The following CGN variants were observed in gnomAD, a reference collection of about 807,000 sequenced individuals.
The protein encoded by CGN is cingulin.
In CGN, 121 loss-of-function variants were observed where a neutral mutation model predicts 157.1. The ratio of observed to expected loss-of-function variants is 0.77; its 90% CI spans 0.66 to 0.90. The LOEUF is 0.90. Among genes scored for constraint, CGN ranks in the 40% least tolerant of loss-of-function variants. CGN has a pLI of 0.00. For synonymous variants in CGN, 535 were observed against 607.5 expected (o/e 0.88, Z 1.76); for missense variants, 1,424 against 1,520.9 (o/e 0.94, Z 1.06).
chr1:151,536,431 C>T, intron 19 of CGN, 86 bp downstream of exon 19: 1 of 747,486 alleles, frequency 1.3e-6, no homozygotes, highest in Non-Finnish European at 2.3e-6. Flanking sequence ...GCCCTTATCT[C>T]CTATAGGTCC....
chr1:151,511,947 G>A lies in CGN; in HGVS notation c.-15+432G>A, dbSNP rs1432697714. On this transcript the variant is annotated intron_variant, in intron 1 of 20. Transcript: ENST00000271636. The surrounding 1 kb of genome is among the most constrained non-coding windows in gnomAD (Gnocchi z 4.8). ...GCATCTGCAGGTGCTGCTCGCCTGAGGGTCTTTCCTGCGTCCTGCGGTCTC... is the reference window on the plus strand; with the variant it reads ...GCATCTGCAGGTGCTGCTCGCCTGAAGGTCTTTCCTGCGTCCTGCGGTCTC... Among the ~76,000 whole-genome samples the A allele has an allele frequency of 6.6e-6, 1 of 152,176 alleles. No individual in the cohort carries two copies. The highest frequency in any genetic ancestry group is 1.5e-5 in the Non-Finnish European group (1 of 68,016).
chr1:151,517,381 G>T (rs1433103346), intron 1 of CGN, among the ~76,000 whole-genome samples: 1 of 152,066 alleles, frequency 6.6e-6, no homozygotes, highest in East Asian at 1.9e-4. Context: ...ATACTTTGAG[G>T]TCTTCTATAT....
rs781553192 is a variant in CGN, at chr1:151,529,405, A to G, written c.1952A>G (p.Gln651Arg). ...LKELQAERQSQEVAGRHRDRE... is the reference protein window; with the variant it reads ...LKELQAERQSREVAGRHRDRE... ...GAACTGCAGGCAGAACGGCAGAGCC[A>G]GGAGGTGGCTGGGCGACACCGGGAC... The change falls in exon 11 of 21, where the codon CAG becomes CGG. Residue 651 changes from glutamine (Q) to arginine (R), a missense_variant. Gln to Arg is a conservative substitution (Grantham distance 43). This residue lies in a region of CGN where 1,187 missense variants were observed against 1,217.6 expected (regional missense o/e 0.97). Coordinates refer to ENST00000271636, the MANE Select transcript of CGN (RefSeq NM_020770.3). 19 of 1,613,578 alleles carry G rather than the reference A, an allele frequency of 1.2e-5. No homozygotes were observed. The highest frequency in any genetic ancestry group is 1.6e-5 in the Non-Finnish European group (19 of 1,179,854).
chr1:151,520,681 A>C lies in CGN; in HGVS notation c.1130A>C (p.Glu377Ala), dbSNP rs746794390. The C allele has an allele frequency of 4.3e-6, 7 of 1,613,384 alleles. No individual in the cohort carries two copies. Among genetic ancestry groups the C allele is most frequent in the Non-Finnish European group, 5.9e-6 (7 of 1,179,726 alleles). ...GAGGAGCTACAGCGAAAGCTGGATGAAGAGGTGAAGGTAAGGAAAGGTTAG... is the reference window on the plus strand; with the variant it reads ...GAGGAGCTACAGCGAAAGCTGGATGCAGAGGTGAAGGTAAGGAAAGGTTAG... Reference protein sequence around the residue: ...KVEELQRKLDEEVKKRQKLEP... With the variant: ...KVEELQRKLDAEVKKRQKLEP... Residue 377 changes from glutamate to alanine, a missense_variant, in exon 5 of 21, where the codon GAA becomes GCA. Around this residue, in one of 3 missense-constraint regions of CGN, gnomAD observed 1,187 missense variants for 1,217.6 expected, o/e 0.97. Coordinates refer to ENST00000271636, the MANE Select transcript of CGN (RefSeq NM_020770.3).
At position 151,535,131 on chromosome 1, in the gene CGN, G is replaced by A; in HGVS notation, c.2994G>A (p.Gln998=). 1 of 1,612,594 alleles carries A rather than the reference G, an allele frequency of 6.2e-7. No individual in the cohort carries two copies. Among genetic ancestry groups the A allele is most frequent in the South Asian group, 1.1e-5 (1 of 90,956 alleles). Reference sequence around the variant, plus strand: ...ATCGGGTGAATCGTGGCCGGGACCAGGTAACCGCCCCCACCCCTCATCTCT... The same window carrying A: ...ATCGGGTGAATCGTGGCCGGGACCAAGTAACCGCCCCCACCCCTCATCTCT... The part of the protein sequence containing the change: ...LTDRVNRGRD[Q]VDQLRTELMQ... Residue 998 remains glutamine (Q), a splice_region_variant and synonymous_variant, in exon 16 of 21, where the codon CAG becomes CAA. Coordinates refer to ENST00000271636, the MANE Select transcript of CGN (RefSeq NM_020770.3).
chr1:151,530,240 C>G (rs1664803328), intron 12 of CGN, 125 bp downstream of exon 12: 1 of 1,102,108 alleles, frequency 9.1e-7, no homozygotes. Context: ...CAAACCTGCT[C>G]TGTTAACCTT....
intron 16 of CGN, 80 bp from the exon 17 acceptor site, chr1:151,535,520 T>C (rs1443739859): frequency 1.7e-6 from 2 of 1,144,862 alleles, no homozygotes; most frequent in African/African-American, 1.5e-5. Context: ...CATCCTCCCA[T>C]GACTCAGCCT....
Position 151,538,532 on chromosome 1 carries a change from G to A in CGN, c.*1186G>A, listed in dbSNP as rs1665030073. ...CCATATTTCCTAAGCAGGTTGTATA[G>A]GGAGCCGGTGGCAGGAGGAAGGCTG... is the stretch of plus-strand genomic sequence containing the variant. On this transcript the variant is annotated 3_prime_UTR_variant, in exon 21 of 21. Transcript: ENST00000271636. The A allele has an allele frequency of 3.9e-5, 6 of 152,216 alleles. No homozygotes were observed. Among genetic ancestry groups the A allele is most frequent in the African/African-American group, 1.4e-4 (6 of 41,458 alleles). 9.4% of individuals were successfully genotyped at this position (152,216 alleles called of 1,614,324 possible).
chr1:151,520,577 C>A lies in CGN; in HGVS notation c.1045-19C>A. The A allele has an allele frequency of 6.2e-7, 1 of 1,612,908 alleles. No individual in the cohort carries two copies. Among genetic ancestry groups the A allele is most frequent in the Non-Finnish European group, 8.5e-7 (1 of 1,178,894 alleles). On this transcript the variant is annotated intron_variant, in intron 4 of 20. Coordinates refer to ENST00000271636, the MANE Select transcript of CGN (RefSeq NM_020770.3). ...CTTGGACTCACTCCCTTCCCCCACACCCCCCATATCTCTGGCAGATGGTTT... is the reference window on the plus strand; with the variant it reads ...CTTGGACTCACTCCCTTCCCCCACAACCCCCATATCTCTGGCAGATGGTTT...
At chr1:151,525,879 AT>A in intron 9 of CGN, 89 bp downstream of exon 9, 1 of 980,776 alleles carries the variant, frequency 1.0e-6, no homozygotes, top group Non-Finnish European at 1.3e-6. Context: ...TTTAATTTTA[AT>A]TTATTTTTTG....
intron 14 of CGN, 78 bp downstream of exon 14, chr1:151,532,650 C>T: frequency 1.8e-6 from 2 of 1,141,788 alleles, no homozygotes; most frequent in South Asian, 2.4e-5. Flanking sequence ...GACAGAGTCT[C>T]ACTCTGTCGC....
chr1:151,535,942 C>T (rs1423257492), intron 18 of CGN, 44 bp downstream of exon 18: 1 of 1,465,636 alleles, frequency 6.8e-7, no homozygotes, highest in Non-Finnish European at 9.5e-7. Flanking sequence ...TCCTTTTCTT[C>T]CTCCCTCCCT....
chr1:151,527,007 T>C lies in CGN; in HGVS notation c.1796T>C (p.Met599Thr), dbSNP rs1557990032. The C allele has an allele frequency of 1.9e-6, 3 of 1,613,920 alleles. No homozygotes were observed. The African/African-American group carries it at 4.0e-5, about 22-fold the overall frequency. ...CAGCTGCGAATGGAGAAGGAGGAGA[T>C]GGAAGAGGAGCTTGGAGAGAAGATA... is the stretch of plus-strand genomic sequence containing the variant. Reference protein sequence around the residue: ...LLQLRMEKEEMEEELGEKIEV... With the variant: ...LLQLRMEKEETEEELGEKIEV... Residue 599 changes from methionine (M) to threonine (T), a missense_variant, in exon 10 of 21, where the codon ATG becomes ACG. Coordinates refer to ENST00000271636, the MANE Select transcript of CGN (RefSeq NM_020770.3).
Position 151,524,533 on chromosome 1 carries a change from C to A in CGN, c.1402-141C>A. On this transcript the variant is annotated intron_variant, in intron 7 of 20. Coordinates refer to ENST00000271636, the MANE Select transcript of CGN (RefSeq NM_020770.3). The surrounding 1 kb of genome is among the most constrained non-coding windows in gnomAD (Gnocchi z 4.4). ...GGGACTAGAGTTAGGATAAAGGAAACCTATCATTCTGGGCTCCAGTACTGG... is the reference window on the plus strand; with the variant it reads ...GGGACTAGAGTTAGGATAAAGGAAAACTATCATTCTGGGCTCCAGTACTGG... The A allele has an allele frequency of 8.4e-7, 1 of 1,193,298 alleles. No homozygotes were observed. Among genetic ancestry groups the A allele is most frequent in the Non-Finnish European group, 1.2e-6 (1 of 844,382 alleles). The allele number at this position is 1,193,298 out of a possible 1,614,324, so 73.9% of individuals were successfully genotyped here.
chr1:151,516,939 C>A (rs1371419159), intron 1 of CGN, among the ~76,000 whole-genome samples: 1 of 151,416 alleles, frequency 6.6e-6, no homozygotes, highest in East Asian at 2.0e-4. Flanking sequence ...GCGGGCAGAT[C>A]ACCTGAGGTC....
Position 151,520,118 on chromosome 1 carries a change from ATTTC to A in CGN, c.874-32_874-29del, listed in dbSNP as rs529199632. 2.4e-4 allele frequency: 338 copies of A among 1,423,568 alleles called. 1 individual carries two copies. The African/African-American group carries it at 4.0e-3, about 17-fold the overall frequency. The allele number at this position is 1,423,568 out of a possible 1,614,324, so 88.2% of individuals were successfully genotyped here. On this transcript the variant is annotated intron_variant, in intron 2 of 20. Coordinates refer to ENST00000271636, the MANE Select transcript of CGN (RefSeq NM_020770.3). Reference sequence around the variant, plus strand: ...CGCATGCTTCTGGCCTAATCTTCCTATTTCTTTCTTTCTTTCTTTTTTTTTTCTT... The same window carrying A: ...CGCATGCTTCTGGCCTAATCTTCCTATTTCTTTCTTTCTTTTTTTTTTCTT...
intron 5 of CGN, among the ~76,000 whole-genome samples, chr1:151,522,359 T>G (rs907943213): frequency 2.0e-5 from 3 of 152,074 alleles, no homozygotes; most frequent in African/African-American, 4.8e-5. Flanking sequence ...GTGCAATGGC[T>G]CACACCCATA....
intron 1 of CGN, 90 bp from the exon 2 acceptor site, chr1:151,518,416 T>C (rs1343162070): frequency 3.6e-6 from 4 of 1,097,622 alleles, no homozygotes; most frequent in Non-Finnish European, 5.2e-6. Flanking sequence ...GTTTATCTAG[T>C]AGGAACTGAC....
chr1:151,525,804 C>G lies in CGN; in HGVS notation c.1763+14C>G. 6.6e-7 allele frequency: 1 copy of G among 1,513,274 alleles called. No homozygotes were observed. The highest frequency in any genetic ancestry group is 2.1e-5 in the Admixed American group (1 of 48,272). 93.7% of individuals were successfully genotyped at this position (1,513,274 alleles called of 1,614,324 possible). Reference sequence around the variant, plus strand: ...CACCAAGCAGGAGTAAGGACATTGGCCCTCTCAGAAATACCCATGATTCAT... The same window carrying G: ...CACCAAGCAGGAGTAAGGACATTGGGCCTCTCAGAAATACCCATGATTCAT... On this transcript the variant is annotated intron_variant, in intron 9 of 20. Coordinates refer to ENST00000271636, the MANE Select transcript of CGN (RefSeq NM_020770.3).
Sources: allele counts gnomAD v4.1 joint callset (sites outside exome capture counted in the v4.1 genomes callset), GRCh38; gene constraint gnomAD v4.1.1; regional missense constraint gnomAD v4.1.1; non-coding constraint Gnocchi (gnomAD v3.1); transcripts MANE v1.5; gene names NCBI Gene and HGNC (gene_info 2026-07-23, HGNC 2026-07-21).